PTP4A2: variants seen among roughly 807,000 people sequenced by gnomAD.
PTP4A2 encodes the protein protein tyrosine phosphatase 4A2.
PTP4A2 carries 2 observed loss-of-function variants against 22.9 expected under a neutral mutation model. The ratio of observed to expected loss-of-function variants is 0.09; its 90% CI spans 0.04 to 0.27. The LOEUF (loss-of-function observed/expected upper bound fraction) is 0.27. Ranked by LOEUF, PTP4A2 falls within the 10% of genes least tolerant of loss-of-function variation. PTP4A2 has a pLI of 1.00. For synonymous variants in PTP4A2, 68 were observed against 69.1 expected (o/e 0.98, Z 0.08); for missense variants, 103 against 205.1 (o/e 0.50, Z 3.04).
intron 1 of PTP4A2, among the ~76,000 whole-genome samples, chr1:31,928,212 T>C (rs1183766857): frequency 7.1e-6 from 1 of 140,040 alleles, no homozygotes; most frequent in African/African-American, 2.6e-5. Flanking sequence ...TATATTATAA[T>C]ATATAAATAT....
At chr1:31,929,195 A>G (rs1047006511) in intron 1 of PTP4A2, among the ~76,000 whole-genome samples, 1 of 152,244 alleles carries the variant, frequency 6.6e-6, no homozygotes, top group Non-Finnish European at 1.5e-5. Context: ...TGAATCTCTT[A>G]TCTAAAATTG....
chr1:31,924,286 C>G (rs1652345201), intron 1 of PTP4A2: 1 of 152,102 alleles, frequency 6.6e-6, no homozygotes, highest in Admixed American at 6.6e-5. Context: ...TACTGAGAAC[C>G]CAGCAAAGGA....
intron 1 of PTP4A2, among the ~76,000 whole-genome samples, chr1:31,922,703 A>G (rs903439872): frequency 6.6e-6 from 1 of 151,582 alleles, no homozygotes; most frequent in South Asian, 2.1e-4. Flanking sequence ...ATCATGGCTC[A>G]CCGCAGCCTC....
chr1:31,936,845 CTT>C (rs1212675451), intron 1 of PTP4A2, among the ~76,000 whole-genome samples: 1 of 152,174 alleles, frequency 6.6e-6, no homozygotes, highest in African/African-American at 2.4e-5. Context: ...ACTACTCTCT[CTT>C]ACAGAGCATG....
chr1:31,909,244 G>C (rs897898858), intron 5 of PTP4A2, among the ~76,000 whole-genome samples: 1 of 152,146 alleles, frequency 6.6e-6, no homozygotes, highest in Non-Finnish European at 1.5e-5. Flanking sequence ...TAAAGGAAGG[G>C]TTGAAAGGGA....
chr1:31,928,214 TATAA>T (rs1432298401), intron 1 of PTP4A2, among the ~76,000 whole-genome samples: 1 of 140,006 alleles, frequency 7.1e-6, no homozygotes, highest in Non-Finnish European at 1.5e-5. Flanking sequence ...TATTATAATA[TATAA>T]ATATAATAAT....
chr1:31,936,340 G>A (rs1652931442), intron 1 of PTP4A2, among the ~76,000 whole-genome samples: 1 of 151,882 alleles, frequency 6.6e-6, no homozygotes, highest in African/African-American at 2.4e-5. Flanking sequence ...TTGGGAGGCT[G>A]AGGCGGGAAG....
Position 31,908,801 on chromosome 1 carries a change from A to C in PTP4A2, c.*51T>G. 1.5e-6 allele frequency: 2 copies of C among 1,311,294 alleles called. No individual in the cohort carries two copies. Among genetic ancestry groups the C allele is most frequent in the Admixed American group, 1.7e-5 (1 of 57,652 alleles). The allele number at this position is 1,311,294 out of a possible 1,614,324, so 81.2% of individuals were successfully genotyped here. ...TCCAGATTCACATTTCCAGGTACCA[A>C]GAGTTCCCTCTAAATGGCACAATCA... is the stretch of plus-strand genomic sequence containing the variant. On this transcript the variant is annotated 3_prime_UTR_variant, in exon 6 of 6. Transcript: ENST00000647444.
intron 1 of PTP4A2, among the ~76,000 whole-genome samples, chr1:31,930,054 T>C (rs1039330476): frequency 2.0e-5 from 3 of 152,124 alleles, no homozygotes; most frequent in Non-Finnish European, 2.9e-5. Context: ...ATATACCATC[T>C]CGGGCCGGGC....
chr1:31,925,484 G>A lies in PTP4A2; in HGVS notation c.-593-5826C>T, dbSNP rs148390731. Among the ~76,000 whole-genome samples, 632 of 152,332 alleles carry A rather than the reference G, an allele frequency of 4.1e-3. 4 individuals are homozygous for A. Among genetic ancestry groups the A allele is most frequent in the African/African-American group, 0.014 (577 of 41,574 alleles). ...AAAGTGAATTTAGAGGCCGGGCGCC[G>A]TGGCTCACGCCTATAATCCCAGCAC... On this transcript the variant is annotated intron_variant, in intron 1 of 5. Transcript: ENST00000647444.
intron 1 of PTP4A2, chr1:31,924,146 AC>A (rs1213564225): frequency 6.6e-6 from 1 of 152,170 alleles, no homozygotes; most frequent in Non-Finnish European, 1.5e-5. Flanking sequence ...TAAGTTTTCT[AC>A]CTAGTCTCCA....
In PTP4A2 at chr1:31,908,126, ATATATATATTATAT is replaced by A. The variant is rs1651286610; in HGVS notation, c.*712_*725del. 8.4e-3 allele frequency: 4 copies of A among 474 alleles called. No homozygotes were observed. Among genetic ancestry groups the A allele is most frequent in the Non-Finnish European group, 0.015 (4 of 266 alleles). The allele number at this position is 474 out of a possible 1,614,324, so 0.0% of individuals were successfully genotyped here. ...AACCACCTGGAAAATATATATATAT[ATATATATATTATAT>A]TATATATATATATATATATATATAT... On this transcript the variant is annotated 3_prime_UTR_variant, in exon 6 of 6. Coordinates refer to ENST00000647444, the MANE Select transcript of PTP4A2 (RefSeq NM_080391.4).
intron 1 of PTP4A2, among the ~76,000 whole-genome samples, chr1:31,932,474 G>C (rs1346246550): frequency 6.6e-6 from 1 of 152,188 alleles, no homozygotes; most frequent in East Asian, 1.9e-4. Flanking sequence ...CACTTAAAAT[G>C]AAGTGGATGC....
At chr1:31,934,658 A>G (rs1028729252) in intron 1 of PTP4A2, among the ~76,000 whole-genome samples, 1 of 152,256 alleles carries the variant, frequency 6.6e-6, no homozygotes, top group Non-Finnish European at 1.5e-5. Context: ...ATAAAAAGTT[A>G]ATTCTAAAGA....
At chr1:31,914,339 A>ACAGG (rs778242690) in intron 3 of PTP4A2, 1 of 454,532 alleles carries the variant, frequency 2.2e-6, no homozygotes, top group South Asian at 1.6e-5. Context: ...AGTGGTGGGA[A>ACAGG]CAGGCATGAG....
chr1:31,936,939 G>C (rs1424582336), intron 1 of PTP4A2, among the ~76,000 whole-genome samples: 3 of 152,150 alleles, frequency 2.0e-5, no homozygotes, highest in Non-Finnish European at 4.4e-5. Flanking sequence ...AATGCCTACA[G>C]TGACACTAGA....
intron 3 of PTP4A2, chr1:31,914,257 G>C (rs541210257): frequency 2.2e-6 from 1 of 455,818 alleles, no homozygotes. Flanking sequence ...CGGAGAGACA[G>C]GGTTTCACCA....
intron 3 of PTP4A2, chr1:31,912,959 T>C (rs186406362): frequency 4.4e-4 from 195 of 442,944 alleles, no homozygotes; most frequent in Non-Finnish European, 6.9e-4. Context: ...AGTTTAACTG[T>C]AAATAGCAAT....
At chr1:31,924,653 C>T (rs1172802726) in intron 1 of PTP4A2, among the ~76,000 whole-genome samples, 1 of 152,132 alleles carries the variant, frequency 6.6e-6, no homozygotes, top group Admixed American at 6.5e-5. Context: ...TTTTAACTTA[C>T]CAAGTGATGA....
Sources: allele counts gnomAD v4.1 joint callset (sites outside exome capture counted in the v4.1 genomes callset), GRCh38; gene constraint gnomAD v4.1.1; transcripts MANE v1.5; gene names NCBI Gene and HGNC (gene_info 2026-07-23, HGNC 2026-07-21).